Variants in CCT7 observed in about 807,000 individuals in gnomAD.
The protein encoded by CCT7 is chaperonin containing TCP1 subunit 7.
In CCT7, 16 loss-of-function variants were observed where a neutral mutation model predicts 56.6. That is an observed-to-expected ratio of 0.28 (90% confidence interval 0.19 to 0.43). The LOEUF is 0.43. Ranked by LOEUF, CCT7 falls within the 20% of genes least tolerant of loss-of-function variation. CCT7 has a pLI of 1.00. For missense variants in CCT7, 519 were observed against 685.6 expected (o/e 0.76, Z 2.71); for synonymous variants, 262 against 254.8 (o/e 1.03, Z -0.27).
chr2:73,242,132 T>TA (rs1687144458), intron 3 of CCT7, among the ~76,000 whole-genome samples: 2 of 151,502 alleles, frequency 1.3e-5, no homozygotes, highest in South Asian at 4.2e-4. Context: ...TTTTTTTTTT[T>TA]AACTCCTGGC....
intron 7 of CCT7, among the ~76,000 whole-genome samples, chr2:73,248,280 G>A (rs1687429605): frequency 6.6e-6 from 1 of 151,950 alleles, no homozygotes; most frequent in Admixed American, 6.6e-5. Context: ...TGCTCTCATT[G>A]TTGATGTTAC....
intron 7 of CCT7, among the ~76,000 whole-genome samples, 168 bp from the exon 8 acceptor site, chr2:73,248,823 T>C (rs780718231): frequency 2.1e-4 from 32 of 152,236 alleles, no homozygotes; most frequent in Non-Finnish European, 4.7e-4. Context: ...AGTCATCTCA[T>C]GGGGTCCTTA....
In CCT7 at chr2:73,234,365, A is replaced by C. The variant is rs550584392; in HGVS notation, c.-14A>C. 2.8e-4 allele frequency: 457 copies of C among 1,613,410 alleles called. 1 individual carries two copies. The highest frequency in any genetic ancestry group is 2.3e-5 in the Non-Finnish European group (27 of 1,179,940). On this transcript the variant is annotated 5_prime_UTR_variant, in exon 1 of 12. Coordinates refer to ENST00000258091, the MANE Select transcript of CCT7 (RefSeq NM_006429.4). ...AAGAGGGGAGAGTGGCGGGCCGCTG[A>C]ATAAGCTTCCAAAATGATGGTGAGT... is the stretch of plus-strand genomic sequence containing the variant.
At chr2:73,244,818 C>A in intron 6 of CCT7, 103 bp downstream of exon 6, 4 of 831,778 alleles carry the variant, frequency 4.8e-6, no homozygotes, top group East Asian at 5.6e-5. Flanking sequence ...AAAGAGAATG[C>A]ATGTTAGGCA....
intron 3 of CCT7, among the ~76,000 whole-genome samples, chr2:73,242,386 T>A (rs1204135021): frequency 1.3e-5 from 2 of 152,120 alleles, no homozygotes; most frequent in Non-Finnish European, 2.9e-5. Flanking sequence ...TTCAAGCAAT[T>A]CTCCTGCCTC....
At chr2:73,243,726 C>T (rs546250173) in intron 4 of CCT7, 75 of 415,990 alleles carry the variant, frequency 1.8e-4, no homozygotes, top group Middle Eastern at 1.3e-3. Flanking sequence ...TTCGTTGTAG[C>T]GTGTTACCTG....
Position 73,240,482 on chromosome 2 carries a change from T to C in CCT7, c.206T>C (p.Leu69Pro), listed in dbSNP as rs1367714309. 6.2e-7 allele frequency: 1 copy of C among 1,612,540 alleles called. No individual in the cohort carries two copies. The highest frequency in any genetic ancestry group is 1.1e-5 in the South Asian group (1 of 90,846). The change falls in exon 3 of 12, where the codon CTT (leucine) becomes CCT (proline). Residue 69 changes from leucine (L) to proline (P), a missense_variant. This residue lies in a region of CCT7 where 276 missense variants were observed against 357.3 expected (regional missense o/e 0.77). Transcript: ENST00000258091. ...GATGGGGCCACAATTCTGAAACTTC[T>C]TGATGTTGTCCATCCTGCAGCAAAG... ...SNDGATILKLLDVVHPAAKTL... is the reference protein window; with the variant it reads ...SNDGATILKLPDVVHPAAKTL...
At chr2:73,238,827 G>A (rs1235508398) in intron 1 of CCT7, among the ~76,000 whole-genome samples, 1 of 152,182 alleles carries the variant, frequency 6.6e-6, no homozygotes, top group East Asian at 1.9e-4. Flanking sequence ...GGTCACTAGA[G>A]CAAAGATATC....
intron 1 of CCT7, among the ~76,000 whole-genome samples, chr2:73,238,361 T>C (rs1176586901): frequency 6.6e-5 from 10 of 152,246 alleles, no homozygotes; most frequent in Non-Finnish European, 1.5e-5. Flanking sequence ...TTCCTCTTGC[T>C]TACTACCCTC....
In CCT7 at chr2:73,247,914, C is replaced by A; in HGVS notation, c.771C>A (p.Val257=). ...KAEKDNAEIR[V]HTVEDYQAIV... ...AGAAAGACAATGCTGAGATAAGAGT[C>A]CACACAGTTGAGGTAGGTGGGTTCA... Residue 257 remains valine, a synonymous_variant, in exon 7 of 12, where the codon GTC becomes GTA. Transcript: ENST00000258091. 1 of 1,614,012 alleles carries A rather than the reference C, an allele frequency of 6.2e-7. No individual in the cohort carries two copies.
At chr2:73,246,228 C>T (rs1055960490) in intron 6 of CCT7, among the ~76,000 whole-genome samples, 1 of 152,246 alleles carries the variant, frequency 6.6e-6, no homozygotes, top group African/African-American at 2.4e-5. Flanking sequence ...CTCCTCTGAG[C>T]CTCATGCTCT....
chr2:73,235,599 G>T, intron 1 of CCT7: 4 of 999,572 alleles, frequency 4.0e-6, no homozygotes, highest in Non-Finnish European at 3.6e-6. Flanking sequence ...AGGCAGCATA[G>T]TACAGCAGTT....
intron 3 of CCT7, 34 bp from the exon 4 acceptor site, chr2:73,242,970 C>T (rs1574357363): frequency 6.2e-7 from 1 of 1,612,694 alleles, no homozygotes; most frequent in East Asian, 2.2e-5. Flanking sequence ...CCCTGAACAT[C>T]AGAAAACGTG....
rs755390506 is a variant in CCT7 at position 73,249,815 on chromosome 2, C to T, written c.973-4C>T. ...TGCTAGATCTTGCCTTCCTTGCTCCCTAGGCCTGTGGAGGCTCAATCCAGA... is the reference window on the plus strand; with the variant it reads ...TGCTAGATCTTGCCTTCCTTGCTCCTTAGGCCTGTGGAGGCTCAATCCAGA... On this transcript the variant is annotated splice_polypyrimidine_tract_variant and splice_region_variant and intron_variant, in intron 8 of 11. Coordinates refer to ENST00000258091, the MANE Select transcript of CCT7 (RefSeq NM_006429.4). 1.9e-6 allele frequency: 3 copies of T among 1,607,366 alleles called. No individual in the cohort carries two copies. Among genetic ancestry groups the T allele is most frequent in the Non-Finnish European group, 2.6e-6 (3 of 1,173,940 alleles).
chr2:73,248,308 G>A (rs1354668301), intron 7 of CCT7, among the ~76,000 whole-genome samples: 1 of 151,696 alleles, frequency 6.6e-6, no homozygotes, highest in Non-Finnish European at 1.5e-5. Context: ...ACCTCTGGAG[G>A]TAGCCATGTC....
At chr2:73,239,393 T>G in intron 1 of CCT7, 1 of 410,238 alleles carries the variant, frequency 2.4e-6, no homozygotes, top group Non-Finnish European at 4.4e-6. Flanking sequence ...GATTTTTTCT[T>G]TTAGATTAGG....
chr2:73,238,039 A>G (rs1686953487), intron 1 of CCT7, among the ~76,000 whole-genome samples: 1 of 152,212 alleles, frequency 6.6e-6, no homozygotes, highest in African/African-American at 2.4e-5. Context: ...TATATATTAA[A>G]AAATGAATAA....
chr2:73,238,217 A>G (rs936157801), intron 1 of CCT7, among the ~76,000 whole-genome samples: 1 of 152,194 alleles, frequency 6.6e-6, no homozygotes, highest in Non-Finnish European at 1.5e-5. Flanking sequence ...TGTAAATCAC[A>G]GTATGCCATT....
chr2:73,251,683 G>T (rs1281518444), intron 11 of CCT7, among the ~76,000 whole-genome samples: 1 of 152,198 alleles, frequency 6.6e-6, no homozygotes, highest in Non-Finnish European at 1.5e-5. Context: ...GCTCACGCCT[G>T]TAATCCCAAC....
Sources: allele counts gnomAD v4.1 joint callset (sites outside exome capture counted in the v4.1 genomes callset), GRCh38; gene constraint gnomAD v4.1.1; regional missense constraint gnomAD v4.1.1; transcripts MANE v1.5; gene names NCBI Gene and HGNC (gene_info 2026-07-23, HGNC 2026-07-21).